LRRTM4: variants seen among roughly 807,000 people sequenced by gnomAD.
LRRTM4 encodes the protein leucine-rich repeat transmembrane neuronal protein 4.
Under a neutral mutation model 47.6 loss-of-function variants are expected in LRRTM4, and 25 were observed. That is an observed-to-expected ratio of 0.53 (90% CI 0.38 to 0.73). The LOEUF (loss-of-function observed/expected upper bound fraction) is 0.73, where lower values mean the gene tolerates loss of function less well. LRRTM4 is among the 30% of genes least tolerant of loss of function. LRRTM4 has a pLI of 0.00. For synonymous variants in LRRTM4, 311 were observed against 269.5 expected (o/e 1.15, Z -1.51); for missense variants, 638 against 713.4 (o/e 0.89, Z 1.20).
At chr2:77,216,415 C>T (rs1408463897) in intron 3 of LRRTM4, among the ~76,000 whole-genome samples, 1 of 152,020 alleles carries the variant, frequency 6.6e-6, no homozygotes, top group African/African-American at 2.4e-5. Flanking sequence ...GCCTGTAATC[C>T]CAGCACTTTG....
intron 3 of LRRTM4, among the ~76,000 whole-genome samples, chr2:77,059,999 G>A (rs1220852299): frequency 2.0e-5 from 3 of 152,178 alleles, no homozygotes; most frequent in Admixed American, 1.3e-4. Context: ...TAGAGCAGCA[G>A]TTAAGAGCAG....
At chr2:77,066,835 A>T (rs1201304878) in intron 3 of LRRTM4, among the ~76,000 whole-genome samples, 1 of 152,256 alleles carries the variant, frequency 6.6e-6, no homozygotes, top group Admixed American at 6.5e-5. Flanking sequence ...AAGAATGACT[A>T]ATTTACTCAA....
chr2:77,246,668 GA>G (rs1167326596), intron 3 of LRRTM4, among the ~76,000 whole-genome samples: 1 of 151,916 alleles, frequency 6.6e-6, no homozygotes, highest in Admixed American at 6.6e-5. Context: ...AAATCCAGCT[GA>G]AATTCCCTGC....
At chr2:77,148,323 G>A (rs1351100706) in intron 3 of LRRTM4, among the ~76,000 whole-genome samples, 3 of 152,130 alleles carry the variant, frequency 2.0e-5, no homozygotes, top group Non-Finnish European at 4.4e-5. Context: ...AATGAATAGA[G>A]AGCTAAAATG....
chr2:77,502,478 A>C (rs1389639637), intron 3 of LRRTM4, among the ~76,000 whole-genome samples: 1 of 151,596 alleles, frequency 6.6e-6, no homozygotes, highest in East Asian at 1.9e-4. Context: ...TTTTGAAATA[A>C]AAATTTATAA....
At chr2:77,278,163 C>CCTCCT (rs1315548329) in intron 3 of LRRTM4, among the ~76,000 whole-genome samples, 6 of 152,058 alleles carry the variant, frequency 3.9e-5, no homozygotes, top group African/African-American at 1.4e-4. Flanking sequence ...CTGTCTAGCA[C>CCTCCT]GTCTTCAGTC....
intron 3 of LRRTM4, among the ~76,000 whole-genome samples, chr2:77,428,220 A>G (rs923189023): frequency 2.0e-5 from 3 of 152,152 alleles, no homozygotes; most frequent in East Asian, 1.9e-4. Context: ...TTTCCTTTAT[A>G]AATTACCTAG....
intron 3 of LRRTM4, among the ~76,000 whole-genome samples, chr2:77,129,462 A>C (rs1315820210): frequency 6.6e-6 from 1 of 152,186 alleles, no homozygotes; most frequent in African/African-American, 2.4e-5. Flanking sequence ...CTTTACACAA[A>C]TTATTTGAAT....
At chr2:77,375,509 A>G (rs1277189209) in intron 3 of LRRTM4, among the ~76,000 whole-genome samples, 1 of 151,828 alleles carries the variant, frequency 6.6e-6, no homozygotes, top group African/African-American at 2.4e-5. Context: ...ACTGTTAACT[A>G]TAGGCACAAT....
chr2:76,804,015 C>T (rs1675837623), intron 3 of LRRTM4, among the ~76,000 whole-genome samples: 1 of 152,152 alleles, frequency 6.6e-6, no homozygotes, highest in South Asian at 2.1e-4. Context: ...GAATTAAGCA[C>T]TTTCTGTGTT....
chr2:76,934,747 G>T (rs914976505), intron 3 of LRRTM4, among the ~76,000 whole-genome samples: 1 of 152,162 alleles, frequency 6.6e-6, no homozygotes, highest in African/African-American at 2.4e-5. Context: ...TGACAATACT[G>T]TGTACTATGT....
chr2:77,018,680 A>C (rs2104094962), intron 3 of LRRTM4, among the ~76,000 whole-genome samples: 1 of 152,342 alleles, frequency 6.6e-6, no homozygotes, highest in African/African-American at 2.4e-5. Context: ...CTAATAGTTC[A>C]GAAGTACAGC....
intron 3 of LRRTM4, among the ~76,000 whole-genome samples, chr2:77,031,316 T>A (rs913902638): frequency 2.6e-5 from 4 of 152,190 alleles, no homozygotes; most frequent in African/African-American, 9.6e-5. Context: ...TTAGATCAAA[T>A]AAATATTTTC....
chr2:77,492,388 T>C (rs1185313204), intron 3 of LRRTM4, among the ~76,000 whole-genome samples: 1 of 151,984 alleles, frequency 6.6e-6, no homozygotes, highest in Non-Finnish European at 1.5e-5. Flanking sequence ...GCCTCTAGAG[T>C]ATCTGGACTA....
intron 3 of LRRTM4, among the ~76,000 whole-genome samples, chr2:77,220,431 C>T (rs933234464): frequency 6.6e-6 from 1 of 152,074 alleles, no homozygotes; most frequent in African/African-American, 2.4e-5. Flanking sequence ...AAGTTCGAAC[C>T]AATGGCAAAG....
At chr2:77,415,831 C>T (rs1380822699) in intron 3 of LRRTM4, among the ~76,000 whole-genome samples, 1 of 152,076 alleles carries the variant, frequency 6.6e-6, no homozygotes, top group Non-Finnish European at 1.5e-5. Flanking sequence ...ATAGACCTTA[C>T]CACAGTGTTG....
At chr2:76,815,173 G>C (rs890624064) in intron 3 of LRRTM4, among the ~76,000 whole-genome samples, 1 of 152,064 alleles carries the variant, frequency 6.6e-6, no homozygotes, top group Non-Finnish European at 1.5e-5. Context: ...TTATTTGAAT[G>C]AGTCAGTGAC....
At chr2:77,232,772 T>G (rs972705747) in intron 3 of LRRTM4, among the ~76,000 whole-genome samples, 1 of 152,174 alleles carries the variant, frequency 6.6e-6, no homozygotes, top group Non-Finnish European at 1.5e-5. Context: ...AATTAGAACT[T>G]TAGGAGAAAA....
intron 3 of LRRTM4, among the ~76,000 whole-genome samples, chr2:77,349,786 T>C (rs967226197): frequency 5.9e-5 from 9 of 151,946 alleles, no homozygotes; most frequent in African/African-American, 1.9e-4. Context: ...TATATGAAAA[T>C]GTTATGAAAG....
Sources: gnomAD v4.1 joint callset for allele counts (sites outside exome capture counted in the v4.1 genomes callset) on GRCh38, gnomAD v4.1.1 for gene constraint, MANE v1.5 for transcripts, NCBI Gene and HGNC (gene_info 2026-07-23, HGNC 2026-07-21) for gene names.